Variants in NUP205 observed in about 807,000 individuals in gnomAD.
NUP205 encodes nuclear pore complex protein Nup205.
In NUP205, 76 loss-of-function variants were observed where a neutral mutation model predicts 253.8. The observed-to-expected ratio is 0.30, with a 90% CI of 0.25 to 0.36. The LOEUF (loss-of-function observed/expected upper bound fraction) is 0.36, where lower values mean the gene tolerates loss of function less well. NUP205 is among the 10% of genes least tolerant of loss of function. The probability of loss-of-function intolerance (pLI) is 1.00; values close to 1 mark genes in which losing one functional copy is unlikely to be tolerated. For synonymous variants in NUP205, 832 were observed against 850.1 expected, an observed-to-expected ratio of 0.98 and a Z score of 0.37; for missense variants, 2,162 against 2,425.5, an observed-to-expected ratio of 0.89 and a Z score of 2.28.
chr7:135,576,478 CCTT>C, intron 4 of NUP205, 64 bp downstream of exon 4: 1 of 1,406,872 alleles, frequency 7.1e-7, no homozygotes, highest in Non-Finnish European at 9.9e-7. Context: ...ACAATATTTC[CCTT>C]ATTATATACA....
Position 135,619,619 on chromosome 7 carries a change from G to A in NUP205, c.4160G>A (p.Gly1387Asp), listed in dbSNP as rs1794432473. The change falls in exon 29 of 43, where the codon GGT becomes GAT. Residue 1387 changes from glycine to aspartate, a missense_variant. Physicochemically the swap from Gly to Asp is moderately conservative, Grantham distance 94. Coordinates refer to ENST00000285968, the MANE Select transcript of NUP205 (RefSeq NM_015135.3). Reference protein sequence around the residue: ...SPPPEENPLVGFASIGDSSLY... With the variant: ...SPPPEENPLVDFASIGDSSLY... Reference sequence around the variant, plus strand: ...CCTCCTGAAGAGAACCCATTAGTGGGTTTTGCTTCTATTGGAGATTCTTCA... The same window carrying A: ...CCTCCTGAAGAGAACCCATTAGTGGATTTTGCTTCTATTGGAGATTCTTCA... 6.8e-6 allele frequency: 11 copies of A among 1,614,106 alleles called. No individual in the cohort carries two copies. Among genetic ancestry groups the A allele is most frequent in the Non-Finnish European group, 9.3e-6 (11 of 1,180,002 alleles).
chr7:135,576,243 A>G (rs1371737448), intron 3 of NUP205, 27 bp from the exon 4 acceptor site: 3 of 1,602,520 alleles, frequency 1.9e-6, no homozygotes, highest in African/African-American at 1.3e-5. Flanking sequence ...TTTATTAACA[A>G]TATTATTTCT....
At chr7:135,573,984 T>G (rs1431851566) in intron 3 of NUP205, among the ~76,000 whole-genome samples, 159 bp downstream of exon 3, 1 of 152,200 alleles carries the variant, frequency 6.6e-6, no homozygotes, top group Non-Finnish European at 1.5e-5. Context: ...CTTTGTTGTT[T>G]TTTTTTGAGA....
intron 42 of NUP205, among the ~76,000 whole-genome samples, chr7:135,646,453 G>A (rs974809773): frequency 1.4e-4 from 22 of 152,094 alleles, no homozygotes; most frequent in African/African-American, 5.3e-4. Context: ...CAGCTACCTG[G>A]GAGGCTGAGG....
At position 135,625,309 on chromosome 7, in the gene NUP205, C is replaced by A. The variant is rs1395543447; in HGVS notation, c.4625C>A (p.Pro1542Gln). Residue 1542 changes from proline to glutamine, a missense_variant, in exon 32 of 43, where the codon CCA (proline) becomes CAA (glutamine). Around this residue, in one of 5 missense-constraint regions of NUP205, gnomAD observed 1,144 missense variants for 1,280.9 expected, o/e 0.89. Coordinates refer to ENST00000285968, the MANE Select transcript of NUP205 (RefSeq NM_015135.3). ...CGTACTTTGCAGAGCTTACTCACCC[C>A]ACAGCCTCCCCTTTTAAAAGCACTT... ...DDRTLQSLLTPQPPLLKALYT... is the reference protein window; with the variant it reads ...DDRTLQSLLTQQPPLLKALYT... The A allele has an allele frequency of 6.2e-7, 1 of 1,612,678 alleles. No individual in the cohort carries two copies. The highest frequency in any genetic ancestry group is 8.5e-7 in the Non-Finnish European group (1 of 1,179,668).
intron 18 of NUP205, among the ~76,000 whole-genome samples, chr7:135,603,519 T>A (rs1794010487): frequency 6.6e-6 from 1 of 151,740 alleles, no homozygotes; most frequent in Admixed American, 6.6e-5. Flanking sequence ...TTTTTTTTTT[T>A]GTCTTTTTGA....
At chr7:135,570,329 C>T (rs920253613) in intron 1 of NUP205, among the ~76,000 whole-genome samples, 3 of 151,896 alleles carry the variant, frequency 2.0e-5, no homozygotes, top group African/African-American at 4.8e-5. Context: ...TTTCTCCTGT[C>T]CCAGCCTCCC....
intron 42 of NUP205, among the ~76,000 whole-genome samples, chr7:135,647,133 T>C (rs544525953): frequency 3.9e-5 from 6 of 152,328 alleles, no homozygotes; most frequent in African/African-American, 1.4e-4. Flanking sequence ...GAAAACCTCA[T>C]ATTAAACTAA....
intron 23 of NUP205, 29 bp downstream of exon 23, chr7:135,614,302 G>T: frequency 8.9e-7 from 1 of 1,128,102 alleles, no homozygotes; most frequent in African/African-American, 1.5e-5. Context: ...GTATTTATAA[G>T]AACACATTTA....
intron 7 of NUP205, among the ~76,000 whole-genome samples, chr7:135,582,891 C>A (rs1364682428): frequency 6.6e-6 from 1 of 152,018 alleles, no homozygotes; most frequent in Non-Finnish European, 1.5e-5. Flanking sequence ...GAGATCAAGA[C>A]CATCCTGGCC....
Position 135,607,239 on chromosome 7 carries a change from T to G in NUP205, c.3071-8T>G, listed in dbSNP as rs998276642. 8 of 1,597,762 alleles carry G rather than the reference T, an allele frequency of 5.0e-6. No individual in the cohort carries two copies. The highest frequency in any genetic ancestry group is 6.8e-6 in the Non-Finnish European group (8 of 1,176,084). On this transcript the variant is annotated splice_polypyrimidine_tract_variant and splice_region_variant and intron_variant, in intron 21 of 42. Transcript: ENST00000285968. ...AGAAAAGTTGAATTTCTTTTTGGTTTCATGCAGGAGTGTTAGGTTGCCCTC... is the reference window on the plus strand; with the variant it reads ...AGAAAAGTTGAATTTCTTTTTGGTTGCATGCAGGAGTGTTAGGTTGCCCTC...
At chr7:135,570,089 A>AGG (rs1337077481) in intron 1 of NUP205, among the ~76,000 whole-genome samples, 43 of 149,584 alleles carry the variant, frequency 2.9e-4, no homozygotes, top group Non-Finnish European at 4.0e-4. Flanking sequence ...AGAGAGAGAG[A>AGG]GAGAGAAACT....
chr7:135,557,987 A>G lies in NUP205; in HGVS notation c.28+15A>G, dbSNP rs1436221200. On this transcript the variant is annotated intron_variant, in intron 1 of 42. Coordinates refer to ENST00000285968, the MANE Select transcript of NUP205 (RefSeq NM_015135.3). ...GGTAAATTCGGGTAAGTGTGGCCAGACAGAAAGACGATTGAGCTGAGCGAT... is the reference window on the plus strand; with the variant it reads ...GGTAAATTCGGGTAAGTGTGGCCAGGCAGAAAGACGATTGAGCTGAGCGAT... 3.7e-6 allele frequency: 6 copies of G among 1,609,142 alleles called. No homozygotes were observed. The highest frequency in any genetic ancestry group is 4.3e-6 in the Non-Finnish European group (5 of 1,175,542).
intron 17 of NUP205, among the ~76,000 whole-genome samples, chr7:135,601,838 T>C (rs1446256983): frequency 6.6e-6 from 1 of 152,226 alleles, no homozygotes; most frequent in East Asian, 1.9e-4. Flanking sequence ...TTAAAAGGAC[T>C]TACTATAGTG....
At chr7:135,604,502 G>T in intron 19 of NUP205, 42 bp downstream of exon 19, 1 of 1,575,514 alleles carries the variant, frequency 6.3e-7, no homozygotes, top group Non-Finnish European at 8.6e-7. Context: ...GGTGCATTTT[G>T]CATTTTGACT....
In NUP205 at chr7:135,607,295, T is replaced by C; in HGVS notation, c.3119T>C (p.Leu1040Ser). The change falls in exon 22 of 43, where the codon TTG becomes TCG. Residue 1040 changes from leucine (L) to serine (S), a missense_variant. Coordinates refer to ENST00000285968, the MANE Select transcript of NUP205 (RefSeq NM_015135.3). ...RTCLHAILNI[L>S]EKGTEGRTGP... ...TGCCTTCACGCCATTCTAAACATCT[T>C]GGAGAAAGGAACGGAAGGGAGAACA... 2 of 1,614,162 alleles carry C rather than the reference T, an allele frequency of 1.2e-6. No individual in the cohort carries two copies. Among genetic ancestry groups the C allele is most frequent in the Admixed American group, 3.3e-5 (2 of 60,034 alleles).
intron 14 of NUP205, chr7:135,597,638 C>T: frequency 6.8e-6 from 3 of 441,744 alleles, no homozygotes; most frequent in South Asian, 5.7e-5. Context: ...TACATGGCAA[C>T]CATCCAAATG....
At chr7:135,572,087 G>A (rs1806012333) in intron 2 of NUP205, among the ~76,000 whole-genome samples, 1 of 151,988 alleles carries the variant, frequency 6.6e-6, no homozygotes, top group African/African-American at 2.4e-5. Flanking sequence ...TTGAACTCCT[G>A]GCCTCAGGTG....
chr7:135,648,393 G>C lies in NUP205; in HGVS notation c.5887-11G>C. 2 of 1,544,630 alleles carry C rather than the reference G, an allele frequency of 1.3e-6. No homozygotes were observed. Among genetic ancestry groups the C allele is most frequent in the Non-Finnish European group, 1.7e-6 (2 of 1,151,888 alleles). ...ACAATTTTAACAAAATGTCTTTTGTGTCACCGCTAGCTTCAGGCTGATGCA... is the reference window on the plus strand; with the variant it reads ...ACAATTTTAACAAAATGTCTTTTGTCTCACCGCTAGCTTCAGGCTGATGCA... On this transcript the variant is annotated splice_polypyrimidine_tract_variant and intron_variant, in intron 42 of 42. Transcript: ENST00000285968.
Sources: gnomAD v4.1 joint callset for allele counts (sites outside exome capture counted in the v4.1 genomes callset) on GRCh38, gnomAD v4.1.1 for gene constraint, gnomAD v4.1.1 regional missense constraint, MANE v1.5 for transcripts, NCBI Gene and HGNC (gene_info 2026-07-23, HGNC 2026-07-21) for gene names.